The following PDE11A variants were observed in gnomAD, a reference collection of about 807,000 sequenced individuals.
PDE11A encodes the protein phosphodiesterase 11A.
In PDE11A, 100 loss-of-function variants were observed where a neutral mutation model predicts 100.5. That is an observed-to-expected ratio of 1.00 (90% CI 0.85 to 1.18). The LOEUF is 1.18. PDE11A is among the 50% of genes most tolerant of loss of function. The pLI, the probability that PDE11A is intolerant of heterozygous loss-of-function variation, is 0.00. For missense variants in PDE11A, 1,141 were observed against 1,152.6 expected, an observed-to-expected ratio of 0.99 and a Z score of 0.15; for synonymous variants, 381 against 420.8, an observed-to-expected ratio of 0.91 and a Z score of 1.16.
intron 8 of PDE11A, 26 bp from the exon 9 acceptor site, chr2:177,816,947 A>C: frequency 7.2e-7 from 1 of 1,390,276 alleles, no homozygotes; most frequent in Non-Finnish European, 1.0e-6. Flanking sequence ...CCTGCTAATT[A>C]AACATTGCAG....
chr2:177,727,895 C>T (rs949682638), intron 11 of PDE11A, 130 bp from the exon 12 acceptor site: 9 of 996,718 alleles, frequency 9.0e-6, no homozygotes, highest in Middle Eastern at 2.0e-4. Flanking sequence ...TTCTGGTTCT[C>T]ACAGTAATCC....
chr2:177,680,924 G>T, intron 15 of PDE11A, 21 bp from the exon 16 acceptor site: 1 of 1,361,018 alleles, frequency 7.3e-7, no homozygotes, highest in Non-Finnish European at 1.0e-6. Flanking sequence ...ATCAAATGAA[G>T]AAAGAAAGAA....
chr2:177,933,813 CAGA>C (rs2085238770), intron 2 of PDE11A, among the ~76,000 whole-genome samples: 2 of 152,078 alleles, frequency 1.3e-5, no homozygotes, highest in South Asian at 4.2e-4. Context: ...AAGGAGAATC[CAGA>C]AATAAAGCCA....
At chr2:178,017,501 T>C (rs770440075) in intron 1 of PDE11A, among the ~76,000 whole-genome samples, 2 of 152,102 alleles carry the variant, frequency 1.3e-5, no homozygotes, top group Non-Finnish European at 2.9e-5. Flanking sequence ...ATACTAAATA[T>C]CATTTATGGA....
At chr2:178,024,571 C>T (rs762696578) in intron 1 of PDE11A, among the ~76,000 whole-genome samples, 4 of 152,174 alleles carry the variant, frequency 2.6e-5, no homozygotes, top group Non-Finnish European at 2.9e-5. Context: ...TTTTCAACAT[C>T]ATATTAGCCC....
At chr2:177,718,270 A>G (rs1038049036) in intron 12 of PDE11A, among the ~76,000 whole-genome samples, 1 of 152,226 alleles carries the variant, frequency 6.6e-6, no homozygotes, top group Non-Finnish European at 1.5e-5. Context: ...GCACCAGGTT[A>G]CAAGACTACA....
chr2:177,957,541 C>G (rs1485736579), intron 2 of PDE11A, among the ~76,000 whole-genome samples: 1 of 152,062 alleles, frequency 6.6e-6, no homozygotes, highest in Non-Finnish European at 1.5e-5. Flanking sequence ...ACTTCAAACC[C>G]AGTTGTGAAC....
intron 6 of PDE11A, among the ~76,000 whole-genome samples, chr2:177,826,849 G>A (rs187623133): frequency 6.6e-6 from 1 of 152,258 alleles, no homozygotes; most frequent in Admixed American, 6.5e-5. Context: ...CTCAGGAAAG[G>A]TTCTCAAACT....
chr2:178,019,947 A>C (rs901499419), intron 1 of PDE11A, among the ~76,000 whole-genome samples: 1 of 152,226 alleles, frequency 6.6e-6, no homozygotes, highest in African/African-American at 2.4e-5. Context: ...GACCAAAATC[A>C]GTGGTTGTTC....
intron 9 of PDE11A, among the ~76,000 whole-genome samples, chr2:177,778,579 T>C (rs2082410129): frequency 6.6e-6 from 1 of 152,184 alleles, no homozygotes. Context: ...CCAAATAATT[T>C]ATATTGATGA....
intron 12 of PDE11A, among the ~76,000 whole-genome samples, chr2:177,713,295 C>T (rs979053580): frequency 2.6e-5 from 4 of 152,162 alleles, no homozygotes; most frequent in Non-Finnish European, 5.9e-5. Context: ...AGGTGTGAGC[C>T]TCCACGCCTG....
At chr2:177,894,051 T>C (rs568805563) in intron 4 of PDE11A, among the ~76,000 whole-genome samples, 17 of 152,224 alleles carry the variant, frequency 1.1e-4, no homozygotes, top group South Asian at 4.2e-4. Context: ...ATGATGGAAG[T>C]TGATATTGAA....
At chr2:177,773,489 A>G (rs776572111) in intron 9 of PDE11A, among the ~76,000 whole-genome samples, 1 of 152,216 alleles carries the variant, frequency 6.6e-6, no homozygotes, top group Admixed American at 6.5e-5. Flanking sequence ...TTACTTTTTC[A>G]TGATTCTTAA....
At chr2:177,825,893 T>C (rs2083219741) in intron 6 of PDE11A, among the ~76,000 whole-genome samples, 1 of 152,196 alleles carries the variant, frequency 6.6e-6, no homozygotes, top group African/African-American at 2.4e-5. Context: ...TCTTTGTGCT[T>C]TTTCTTGTTT....
chr2:178,003,662 T>G (rs1190582932), intron 2 of PDE11A, among the ~76,000 whole-genome samples: 2 of 152,098 alleles, frequency 1.3e-5, no homozygotes, highest in Non-Finnish European at 2.9e-5. Flanking sequence ...TGGTGATGGT[T>G]TACACAACTC....
intron 2 of PDE11A, among the ~76,000 whole-genome samples, chr2:177,923,807 A>G (rs1372654144): frequency 6.6e-6 from 1 of 152,208 alleles, no homozygotes; most frequent in Non-Finnish European, 1.5e-5. Flanking sequence ...TAGATTTCAT[A>G]AAATTTGAAA....
chr2:177,960,093 T>A lies in PDE11A; in HGVS notation c.1071+54209A>T, dbSNP rs1334338830. Among the ~76,000 whole-genome samples, 4 of 152,274 alleles carry A rather than the reference T, an allele frequency of 2.6e-5. No individual in the cohort carries two copies. The South Asian group carries it at 6.2e-4, about 24-fold the overall frequency. On this transcript the variant is annotated intron_variant, in intron 2 of 19. Coordinates refer to ENST00000286063, the MANE Select transcript of PDE11A (RefSeq NM_016953.4). ...TTGATGAGCAATCACTGTCATTATT[T>A]TTTTTTTATCTCTGGACCACTTAGG...
intron 15 of PDE11A, among the ~76,000 whole-genome samples, chr2:177,691,171 T>C (rs1417403420): frequency 1.3e-5 from 2 of 152,186 alleles, no homozygotes; most frequent in Non-Finnish European, 2.9e-5. Context: ...TAGCGTTATG[T>C]AATCACAACC....
intron 2 of PDE11A, among the ~76,000 whole-genome samples, chr2:177,956,253 A>G (rs2085561019): frequency 6.6e-6 from 1 of 152,264 alleles, no homozygotes; most frequent in Admixed American, 6.5e-5. Context: ...GGCGAAGGAT[A>G]TGAACAGACA....
Sources: gnomAD v4.1 joint callset for allele counts (sites outside exome capture counted in the v4.1 genomes callset) on GRCh38, gnomAD v4.1.1 for gene constraint, MANE v1.5 for transcripts, NCBI Gene and HGNC (gene_info 2026-07-23, HGNC 2026-07-21) for gene names.